Variants in NDUFAF6 observed in about 807,000 individuals in gnomAD.
NDUFAF6 encodes the protein NADH:ubiquinone oxidoreductase complex assembly factor 6, also known as NADH dehydrogenase (ubiquinone) complex I, assembly factor 6.
Under a neutral mutation model 40.8 loss-of-function variants are expected in NDUFAF6, and 45 were observed. That is an observed-to-expected ratio of 1.10 (90% CI 0.87 to 1.42). The LOEUF is 1.42. Among genes scored for constraint, NDUFAF6 ranks in the 40% most tolerant of loss-of-function variants. The pLI, the probability that NDUFAF6 is intolerant of heterozygous loss-of-function variation, is 0.00. For synonymous variants in NDUFAF6, 185 were observed against 155.9 expected (o/e 1.19, Z -1.39); for missense variants, 435 against 418.5 (o/e 1.04, Z -0.34).
At chr8:94,917,835 TAA>T (rs1819240481) in intron 1 of NDUFAF6, among the ~76,000 whole-genome samples, 1 of 152,236 alleles carries the variant, frequency 6.6e-6, no homozygotes, top group Admixed American at 6.5e-5. Context: ...TGATAATTCT[TAA>T]GTTTATTCAG....
chr8:94,922,887 A>G (rs1027637319), intron 1 of NDUFAF6, among the ~76,000 whole-genome samples: 1 of 152,154 alleles, frequency 6.6e-6, no homozygotes, highest in Non-Finnish European at 1.5e-5. Context: ...TAGAGAATTG[A>G]CCAGTTGCAC....
intron 9 of NDUFAF6, among the ~76,000 whole-genome samples, chr8:95,070,808 T>A (rs1832824445): frequency 6.6e-6 from 1 of 152,206 alleles, no homozygotes; most frequent in South Asian, 2.1e-4. Context: ...GTCTTTGCTT[T>A]GCAATTCAAC....
intron 1 of NDUFAF6, among the ~76,000 whole-genome samples, chr8:94,906,606 T>G (rs1818407680): frequency 6.6e-6 from 1 of 152,186 alleles, no homozygotes; most frequent in Non-Finnish European, 1.5e-5. Flanking sequence ...AGGGTCACTG[T>G]GTCAAAGAAT....
rs182512228 is a variant in NDUFAF6, at chr8:95,049,344, T to C, written c.816+786T>C. ...TGTCACTTTAGTTGTTCCCTAAGAG[T>C]TGGTTCTTCACCTCTTAACTTTTCC... On this transcript the variant is annotated intron_variant, in intron 7 of 8. Coordinates refer to ENST00000396124, the MANE Select transcript of NDUFAF6 (RefSeq NM_152416.4). Among the ~76,000 whole-genome samples, 10 of 152,310 alleles carry C rather than the reference T, an allele frequency of 6.6e-5. No individual in the cohort carries two copies. The East Asian group carries it at 1.2e-3, about 18-fold the overall frequency.
chr8:94,984,677 G>A, intron 2 of NDUFAF6, among the ~76,000 whole-genome samples: 1 of 152,230 alleles, frequency 6.6e-6, no homozygotes, highest in East Asian at 1.9e-4. Flanking sequence ...GGAAAGTGGT[G>A]TTTGAGTAGC....
intron 1 of NDUFAF6, among the ~76,000 whole-genome samples, chr8:95,029,528 A>G (rs1243521871): frequency 6.6e-6 from 1 of 152,342 alleles, no homozygotes; most frequent in Admixed American, 6.5e-5. Flanking sequence ...TTGATCCAGT[A>G]TTACCATTTA....
downstream of NDUFAF6, among the ~76,000 whole-genome samples, chr8:95,059,942 CTT>C (rs1832528201): frequency 6.8e-6 from 1 of 147,560 alleles, no homozygotes; most frequent in South Asian, 2.1e-4. Context: ...ATCAGAGAGT[CTT>C]TGTTAGGGAG....
chr8:95,064,830 C>G (rs543820810), intron 9 of NDUFAF6, among the ~76,000 whole-genome samples: 186 of 152,232 alleles, frequency 1.2e-3, no homozygotes, highest in African/African-American at 4.3e-3. Flanking sequence ...CTCAGAGAAG[C>G]CAAGAAGAAT....
At chr8:94,971,937 A>C (rs988791901) in intron 1 of NDUFAF6, among the ~76,000 whole-genome samples, 6 of 152,152 alleles carry the variant, frequency 3.9e-5, no homozygotes, top group Non-Finnish European at 7.4e-5. Context: ...GAAAAAAAAA[A>C]AACTCCGTCT....
intron 2 of NDUFAF6, among the ~76,000 whole-genome samples, chr8:95,090,111 A>G (rs1809199607): frequency 6.7e-6 from 1 of 149,750 alleles, no homozygotes; most frequent in African/African-American, 2.5e-5. Context: ...GAGACACCTT[A>G]AGGTGGGTGC....
Position 94,997,367 on chromosome 8 carries a change from C to G in NDUFAF6, c.-84+16394C>G, listed in dbSNP as rs112326488. Among the ~76,000 whole-genome samples, 387 of 98,154 alleles carry G rather than the reference C, an allele frequency of 3.9e-3. 2 individuals are homozygous for G. Among genetic ancestry groups the G allele is most frequent in the Non-Finnish European group, 5.4e-3 (249 of 46,242 alleles). The allele number at this position is 98,154 out of a possible 152,430, so 64.4% of individuals were successfully genotyped here. ...ACAGAGAGAGAGAGAGAGAGAGAGA[C>G]AGAGAGAATGTAAGAGACAGATTTT... On this transcript the variant is annotated intron_variant, in intron 2 of 9. Coordinates refer to the NDUFAF6 transcript ENST00000396111.
intron 1 of NDUFAF6, among the ~76,000 whole-genome samples, chr8:94,938,000 G>A (rs535229856): frequency 9.9e-5 from 15 of 152,126 alleles, no homozygotes; most frequent in African/African-American, 3.4e-4. Flanking sequence ...GAAAAGTTTG[G>A]GTATAAATGA....
chr8:95,011,287 G>A (rs1000554454), intron 2 of NDUFAF6, among the ~76,000 whole-genome samples: 7 of 152,132 alleles, frequency 4.6e-5, no homozygotes, highest in Admixed American at 4.6e-4. Flanking sequence ...CCCTCATCTT[G>A]TCCCTTTCCC....
Position 94,919,482 on chromosome 8 carries a change from A to G in NDUFAF6, c.-936+23555A>G, listed in dbSNP as rs1819354503. On this transcript the variant is annotated intron_variant, in intron 1 of 14. Transcript: ENST00000396113. ...CTCCTAGTTCACTTGTTTATTCTCA[A>G]GTAAGAAGTCAAACAGTTTAGAATG... 1.3e-5 allele frequency among the ~76,000 whole-genome samples: 2 copies of G among 152,212 alleles called. 1 individual carries two copies. Among genetic ancestry groups the G allele is most frequent in the South Asian group, 4.1e-4 (2 of 4,830 alleles).
At chr8:95,023,731 T>C (rs1211894164), upstream of NDUFAF6, among the ~76,000 whole-genome samples, 1 of 152,056 alleles carries the variant, frequency 6.6e-6, no homozygotes, top group East Asian at 1.9e-4. Context: ...TGAACAAATA[T>C]TCAAAGTTAA....
intron 2 of NDUFAF6, among the ~76,000 whole-genome samples, chr8:95,093,403 A>C (rs1338466102): frequency 6.6e-6 from 1 of 152,200 alleles, no homozygotes; most frequent in Non-Finnish European, 1.5e-5. Flanking sequence ...CCCTTGAGCT[A>C]AATAATTACT....
intron 1 of NDUFAF6, among the ~76,000 whole-genome samples, chr8:94,980,442 G>GTTTTT (rs869184585): frequency 1.1e-4 from 12 of 107,892 alleles, no homozygotes; most frequent in South Asian, 3.2e-4. Context: ...TGGTTTTTTT[G>GTTTTT]TTTTTTTTTT....
downstream of NDUFAF6, among the ~76,000 whole-genome samples, chr8:95,105,062 CACACAGAGAGAGAGAGAG>C (rs1186825965): frequency 1.9e-3 from 127 of 65,390 alleles, 1 homozygote; most frequent in South Asian, 7.9e-3. Flanking sequence ...CACACACACA[CACACAGAGAGAGAGAGAG>C]AGAGAGAGAG....
At chr8:95,014,160 G>A (rs558719522) in intron 2 of NDUFAF6, among the ~76,000 whole-genome samples, 2 of 152,332 alleles carry the variant, frequency 1.3e-5, no homozygotes, top group East Asian at 3.9e-4. Flanking sequence ...ATTTTCTGGT[G>A]TTCAAGACAC....
Sources: gnomAD v4.1 joint callset for allele counts (sites outside exome capture counted in the v4.1 genomes callset) on GRCh38, gnomAD v4.1.1 for gene constraint, MANE v1.5 for transcripts, NCBI Gene and HGNC (gene_info 2026-07-23, HGNC 2026-07-21) for gene names.